The following NAALADL2 variants were observed in gnomAD, a reference collection of about 807,000 sequenced individuals.
NAALADL2 encodes N-acetylated alpha-linked acidic dipeptidase like 2, also known as inactive N-acetylated-alpha-linked acidic dipeptidase-like protein 2.
In NAALADL2, 76 loss-of-function variants were observed where a neutral mutation model predicts 87.2. The observed-to-expected ratio is 0.87, with a 90% CI of 0.72 to 1.05. The LOEUF is 1.05. Ranked by LOEUF, NAALADL2 falls within the 50% of genes least tolerant of loss-of-function variation. The pLI, the probability that NAALADL2 is intolerant of heterozygous loss-of-function variation, is 0.00. For missense variants in NAALADL2, 1,089 were observed against 945.8 expected, an observed-to-expected ratio of 1.15 and a Z score of -1.99; for synonymous variants, 354 against 331.0, an observed-to-expected ratio of 1.07 and a Z score of -0.75.
At chr3:175,306,314 A>T (rs1757715464) in intron 4 of NAALADL2, among the ~76,000 whole-genome samples, 1 of 152,154 alleles carries the variant, frequency 6.6e-6, no homozygotes, top group Non-Finnish European at 1.5e-5. Flanking sequence ...ATATTATCTC[A>T]TTTATCTTAT....
intron 3 of NAALADL2, among the ~76,000 whole-genome samples, chr3:174,842,401 A>C (rs2109427860): frequency 6.6e-6 from 1 of 152,298 alleles, no homozygotes; most frequent in Middle Eastern, 3.4e-3. Context: ...CATGGCTATC[A>C]TGTCCCACTC....
At chr3:175,258,347 A>G (rs1380649574) in intron 4 of NAALADL2, among the ~76,000 whole-genome samples, 2 of 150,990 alleles carry the variant, frequency 1.3e-5, no homozygotes, top group African/African-American at 4.9e-5. Flanking sequence ...AAAAAAAGAA[A>G]GAAACAATCA....
chr3:174,645,038 A>G (rs1217397507), intron 2 of NAALADL2, among the ~76,000 whole-genome samples: 1 of 152,196 alleles, frequency 6.6e-6, no homozygotes, highest in African/African-American at 2.4e-5. Context: ...TTACTTTGCC[A>G]GATTCACAGA....
intron 1 of NAALADL2, among the ~76,000 whole-genome samples, chr3:174,517,115 T>C (rs1369918897): frequency 1.3e-5 from 2 of 151,994 alleles, no homozygotes; most frequent in Non-Finnish European, 2.9e-5. Flanking sequence ...ACGTAGGTTG[T>C]GATGTGAAGA....
chr3:175,600,525 C>CTTTTTTTTTTGTTTTTTTTTT (rs1722815299), intron 10 of NAALADL2, among the ~76,000 whole-genome samples: 1 of 61,040 alleles, frequency 1.6e-5, no homozygotes, highest in African/African-American at 6.2e-5. Flanking sequence ...GTGTCTTAGT[C>CTTTTTTTTTTGTTTTTTTTTT]TTTTTTTTTT....
chr3:175,124,678 C>T (rs958675574), intron 2 of NAALADL2: 2 of 151,864 alleles, frequency 1.3e-5, no homozygotes, highest in Non-Finnish European at 2.9e-5. Flanking sequence ...GAATGTGTGC[C>T]ACACATTAGT....
At chr3:175,719,283 A>G (rs1227693278) in intron 11 of NAALADL2, among the ~76,000 whole-genome samples, 3 of 152,056 alleles carry the variant, frequency 2.0e-5, no homozygotes, top group African/African-American at 7.2e-5. Flanking sequence ...TCTATCTACT[A>G]CTGGTCCAAT....
intron 2 of NAALADL2, among the ~76,000 whole-genome samples, chr3:174,611,485 T>C (rs1383842622): frequency 6.6e-6 from 1 of 152,202 alleles, no homozygotes; most frequent in East Asian, 1.9e-4. Flanking sequence ...TCTTTCTAAT[T>C]ACGGTAGGAA....
intron 11 of NAALADL2, among the ~76,000 whole-genome samples, chr3:175,727,502 A>G (rs1743099223): frequency 6.6e-6 from 1 of 152,142 alleles, no homozygotes; most frequent in South Asian, 2.1e-4. Flanking sequence ...TGGGATTACA[A>G]CCCTTCTCCT....
intron 5 of NAALADL2, among the ~76,000 whole-genome samples, chr3:175,424,096 C>T (rs1418775880): frequency 6.6e-6 from 1 of 152,134 alleles, no homozygotes; most frequent in African/African-American, 2.4e-5. Flanking sequence ...ATCCTTCGCC[C>T]ACTTGTTGAT....
chr3:174,884,147 A>G (rs1729771470), intron 1 of NAALADL2, among the ~76,000 whole-genome samples: 1 of 152,162 alleles, frequency 6.6e-6, no homozygotes, highest in Non-Finnish European at 1.5e-5. Flanking sequence ...GGACAGCAGA[A>G]TGTAATGTCA....
chr3:175,037,085 G>A (rs1392111381), intron 1 of NAALADL2, among the ~76,000 whole-genome samples: 1 of 151,950 alleles, frequency 6.6e-6, no homozygotes, highest in African/African-American at 2.4e-5. Context: ...CACCCATGAA[G>A]TCAAACAAGG....
intron 3 of NAALADL2, among the ~76,000 whole-genome samples, chr3:174,831,154 A>G (rs1722634822): frequency 6.6e-6 from 1 of 151,920 alleles, no homozygotes; most frequent in Non-Finnish European, 1.5e-5. Context: ...GTTGAATAGG[A>G]GTGGTGAGAG....
At chr3:174,985,077 C>G (rs1054059877) in intron 1 of NAALADL2, among the ~76,000 whole-genome samples, 3 of 152,166 alleles carry the variant, frequency 2.0e-5, no homozygotes, top group African/African-American at 7.2e-5. Context: ...TCAGATCATA[C>G]TTCCATACAG....
chr3:175,010,837 T>G (rs972966613), intron 1 of NAALADL2, among the ~76,000 whole-genome samples: 3 of 152,080 alleles, frequency 2.0e-5, no homozygotes, highest in Non-Finnish European at 2.9e-5. Flanking sequence ...AGTTCATAGC[T>G]CTCAGACAGT....
chr3:175,563,699 G>C (rs561206619), intron 9 of NAALADL2, among the ~76,000 whole-genome samples: 2 of 152,210 alleles, frequency 1.3e-5, no homozygotes, highest in East Asian at 3.9e-4. Context: ...ATGTAGGAGA[G>C]GCAGAAAAAA....
chr3:175,580,341 C>G (rs575904823), intron 10 of NAALADL2, among the ~76,000 whole-genome samples: 1 of 152,024 alleles, frequency 6.6e-6, no homozygotes, highest in African/African-American at 2.4e-5. Flanking sequence ...TACAGTTTGA[C>G]AATACACATA....
chr3:175,340,692 A>C (rs1581491508), intron 5 of NAALADL2, among the ~76,000 whole-genome samples: 1 of 152,180 alleles, frequency 6.6e-6, no homozygotes, highest in African/African-American at 2.4e-5. Context: ...TTATTTGGTA[A>C]GGATACAGAT....
intron 4 of NAALADL2, among the ~76,000 whole-genome samples, chr3:175,294,757 A>C (rs1756104194): frequency 6.6e-6 from 1 of 152,258 alleles, no homozygotes; most frequent in African/African-American, 2.4e-5. Flanking sequence ...AAAGGAGCAC[A>C]AACAAGGACC....
Sources: allele counts gnomAD v4.1 joint callset (sites outside exome capture counted in the v4.1 genomes callset), GRCh38; gene constraint gnomAD v4.1.1; transcripts MANE v1.5; gene names NCBI Gene and HGNC (gene_info 2026-07-23, HGNC 2026-07-21).